The following CACNA1D variants were observed in gnomAD, a reference collection of about 807,000 sequenced individuals.
The protein encoded by CACNA1D is calcium voltage-gated channel subunit alpha1 D, also known as voltage-dependent L-type calcium channel subunit alpha-1D.
Under a neutral mutation model 257.1 loss-of-function variants are expected in CACNA1D, and 55 were observed. The observed-to-expected ratio is 0.21, with a 90% confidence interval of 0.17 to 0.27. The LOEUF (loss-of-function observed/expected upper bound fraction) is 0.27, where lower values mean the gene tolerates loss of function less well. Ranked by LOEUF, CACNA1D falls within the 10% of genes least tolerant of loss-of-function variation. The pLI is 1.00. For missense variants in CACNA1D, 1,876 were observed against 2,784.0 expected, an observed-to-expected ratio of 0.67 and a Z score of 7.34; for synonymous variants, 980 against 1,014.9, an observed-to-expected ratio of 0.97 and a Z score of 0.65.
At chr3:53,761,191 T>C (rs1004839857) in intron 29 of CACNA1D, among the ~76,000 whole-genome samples, 1 of 151,900 alleles carries the variant, frequency 6.6e-6, no homozygotes, top group African/African-American at 2.4e-5. Context: ...GCCTAGAGGG[T>C]GAAAAGTGGG....
rs933849920 is a variant in CACNA1D, at chr3:53,662,596, G to A, written c.766+2321G>A. On this transcript the variant is annotated intron_variant, in intron 5 of 47. Coordinates refer to ENST00000350061, the MANE Select transcript of CACNA1D (RefSeq NM_001128840.3). Reference sequence around the variant, plus strand: ...GTAGTGACTAGTGTAAGTTCTCACAGCTAGTGAGTAGCCAGACAGAACCAG... The same window carrying A: ...GTAGTGACTAGTGTAAGTTCTCACAACTAGTGAGTAGCCAGACAGAACCAG... Among the ~76,000 whole-genome samples, 9 of 152,314 alleles carry A rather than the reference G, an allele frequency of 5.9e-5. No individual in the cohort carries two copies. The East Asian group carries it at 1.7e-3, about 29-fold the overall frequency.
intron 3 of CACNA1D, among the ~76,000 whole-genome samples, chr3:53,580,392 T>C (rs1268450187): frequency 6.6e-6 from 1 of 152,224 alleles, no homozygotes; most frequent in African/African-American, 2.4e-5. Context: ...TCTTTTACAA[T>C]GTTTAGCACA....
At chr3:53,622,576 A>T (rs1469170956) in intron 3 of CACNA1D, among the ~76,000 whole-genome samples, 1 of 152,056 alleles carries the variant, frequency 6.6e-6, no homozygotes, top group Non-Finnish European at 1.5e-5. Flanking sequence ...AATGATGAGA[A>T]CACATGGACA....
At chr3:53,717,450 A>G (rs2094831689) in intron 9 of CACNA1D, among the ~76,000 whole-genome samples, 2 of 152,166 alleles carry the variant, frequency 1.3e-5, no homozygotes. Context: ...TGGATGAGAA[A>G]AGACGCTCGT....
intron 3 of CACNA1D, among the ~76,000 whole-genome samples, chr3:53,599,712 A>T (rs1008155460): frequency 2.0e-5 from 3 of 152,180 alleles, no homozygotes; most frequent in Non-Finnish European, 4.4e-5. Context: ...TGAATTCTCT[A>T]TATGGGAATT....
At position 53,751,977 on chromosome 3, in the gene CACNA1D, G is replaced by A; in HGVS notation, c.3675+70G>A. On this transcript the variant is annotated intron_variant, in intron 28 of 47. Transcript: ENST00000350061. This position sits in a 1 kb window ranked among gnomAD's most constrained non-coding sequence, Gnocchi z 4.3. ...ACAGCCCCGTGCCCCAAATGCTGAG[G>A]GTGGAATGCTGCCCCTCACAGGAGG... The A allele has an allele frequency of 6.8e-7, 1 of 1,469,590 alleles. No individual in the cohort carries two copies. Among genetic ancestry groups the A allele is most frequent in the South Asian group, 1.1e-5 (1 of 88,154 alleles). The allele number at this position is 1,469,590 out of a possible 1,614,324, so 91.0% of individuals were successfully genotyped here.
At chr3:53,565,697 A>G (rs2092822012) in intron 3 of CACNA1D, among the ~76,000 whole-genome samples, 1 of 152,240 alleles carries the variant, frequency 6.6e-6, no homozygotes, top group Non-Finnish European at 1.5e-5. Context: ...GTATGTGTGT[A>G]TGATTGTATA....
chr3:53,620,675 A>G (rs1576120129), intron 3 of CACNA1D, among the ~76,000 whole-genome samples: 1 of 152,266 alleles, frequency 6.6e-6, no homozygotes, highest in Non-Finnish European at 1.5e-5. Context: ...CATCTCTTCC[A>G]GTTGAGAACT....
At chr3:53,725,331 G>A (rs779241074) in intron 14 of CACNA1D, among the ~76,000 whole-genome samples, 49 of 152,166 alleles carry the variant, frequency 3.2e-4, no homozygotes, top group African/African-American at 1.1e-3. Flanking sequence ...TAGATGTGCC[G>A]TTGTTCATAT....
chr3:53,556,368 T>G (rs999563084), intron 3 of CACNA1D, among the ~76,000 whole-genome samples: 1 of 152,192 alleles, frequency 6.6e-6, no homozygotes, highest in Admixed American at 6.5e-5. Flanking sequence ...CCACCAGAAG[T>G]GTATGAGAGC....
chr3:53,788,357 C>CT (rs1428416541), intron 40 of CACNA1D, among the ~76,000 whole-genome samples: 8 of 152,132 alleles, frequency 5.3e-5, no homozygotes, highest in African/African-American at 4.8e-5. Flanking sequence ...CTAAAGGTAG[C>CT]TGAGGGAATC....
chr3:53,741,658 C>G (rs1222197789), intron 21 of CACNA1D, among the ~76,000 whole-genome samples: 1 of 152,136 alleles, frequency 6.6e-6, no homozygotes, highest in African/African-American at 2.4e-5. Flanking sequence ...GATGAGGCCT[C>G]TGTGGGAGGG....
chr3:53,689,350 T>G (rs906015913), intron 8 of CACNA1D, among the ~76,000 whole-genome samples: 4 of 151,650 alleles, frequency 2.6e-5, no homozygotes, highest in African/African-American at 7.3e-5. Flanking sequence ...AGGCAGGGTT[T>G]TTTTTTTTTT....
intron 3 of CACNA1D, among the ~76,000 whole-genome samples, chr3:53,616,336 G>A (rs1026247386): frequency 1.2e-4 from 18 of 152,222 alleles, no homozygotes; most frequent in Admixed American, 3.9e-4. Flanking sequence ...TGCTCATTCT[G>A]TGGAGGTGGG....
At chr3:53,742,948 G>A (rs2095131838) in intron 21 of CACNA1D, 63 bp from the exon 22 acceptor site, 3 of 1,022,438 alleles carry the variant, frequency 2.9e-6, no homozygotes, top group East Asian at 2.4e-5. Context: ...ATTTTGCAAA[G>A]AGCCCAGGTT....
intron 3 of CACNA1D, among the ~76,000 whole-genome samples, chr3:53,586,179 G>A (rs73840122): frequency 0.035 from 5,313 of 152,200 alleles, 232 homozygotes; most frequent in East Asian, 0.096. Flanking sequence ...TATGAGAGAA[G>A]GGGCTGGGGG....
At chr3:53,594,998 G>A (rs538123457) in intron 3 of CACNA1D, among the ~76,000 whole-genome samples, 4 of 152,310 alleles carry the variant, frequency 2.6e-5, no homozygotes, top group South Asian at 2.1e-4. Flanking sequence ...AGTTCAGTCC[G>A]TTTCAGCTTT....
At chr3:53,572,120 C>T (rs144976303) in intron 3 of CACNA1D, among the ~76,000 whole-genome samples, 11 of 152,120 alleles carry the variant, frequency 7.2e-5, no homozygotes, top group South Asian at 2.1e-4. Flanking sequence ...ACATCTCTTC[C>T]CCTGACCTGT....
chr3:53,625,353 G>C (rs1353903034), intron 3 of CACNA1D, among the ~76,000 whole-genome samples: 1 of 152,182 alleles, frequency 6.6e-6, no homozygotes, highest in East Asian at 1.9e-4. Flanking sequence ...TATTCCCACT[G>C]TGTCTCCCAC....
Sources: allele counts gnomAD v4.1 joint callset (sites outside exome capture counted in the v4.1 genomes callset), GRCh38; gene constraint gnomAD v4.1.1; non-coding constraint Gnocchi (gnomAD v3.1); transcripts MANE v1.5; gene names NCBI Gene and HGNC (gene_info 2026-07-23, HGNC 2026-07-21).